SEMA3E: variants seen among roughly 807,000 people sequenced by gnomAD.
The protein encoded by SEMA3E is semaphorin-3E.
A neutral mutation model predicts 93.6 loss-of-function variants in SEMA3E; 49 were observed. That is an observed-to-expected ratio of 0.52 (90% CI 0.42 to 0.66). The LOEUF (loss-of-function observed/expected upper bound fraction) is 0.66, where lower values mean the gene tolerates loss of function less well. Among genes scored for constraint, SEMA3E ranks in the 30% least tolerant of loss-of-function variants. SEMA3E has a pLI of 0.00. For missense variants in SEMA3E, 906 were observed against 964.8 expected, an observed-to-expected ratio of 0.94 and a Z score of 0.81; for synonymous variants, 363 against 330.7, an observed-to-expected ratio of 1.10 and a Z score of -1.06.
intron 1 of SEMA3E, among the ~76,000 whole-genome samples, chr7:83,566,918 C>A (rs192692377): frequency 7.1e-4 from 108 of 152,112 alleles, no homozygotes; most frequent in Middle Eastern, 3.4e-3. Context: ...AAGAATAAAC[C>A]CTCACATATC....
chr7:83,537,740 T>C (rs1791435211), intron 1 of SEMA3E, among the ~76,000 whole-genome samples: 1 of 152,184 alleles, frequency 6.6e-6, no homozygotes, highest in Admixed American at 6.6e-5. Flanking sequence ...CACAATTAAA[T>C]AGTTTTCAGT....
In SEMA3E at chr7:83,368,207, CTCTG is replaced by C. The variant is rs142968591; in HGVS notation, c.1876-173_1876-170del. Among the ~76,000 whole-genome samples the C allele has an allele frequency of 0.6, 77,134 of 128,328 alleles. 23,278 individuals carry two copies. Among genetic ancestry groups the C allele is most frequent in the East Asian group, 0.8 (3,701 of 4,644 alleles). 84.2% of individuals were successfully genotyped at this position (128,328 alleles called of 152,430 possible). A position where few individuals can be genotyped will look rare whatever the true frequency, so the allele number is the denominator to read the frequency against. ...TAAATAATTACATCTCTCTCTCTCT[CTCTG>C]TGTGTGTGTGTGTGTGTGTGTGTGT... On this transcript the variant is annotated intron_variant, in intron 16 of 16. Coordinates refer to ENST00000643230, the MANE Select transcript of SEMA3E (RefSeq NM_012431.3).
intron 1 of SEMA3E, among the ~76,000 whole-genome samples, chr7:83,502,701 T>C (rs1790618833): frequency 6.6e-6 from 1 of 152,220 alleles, no homozygotes; most frequent in Non-Finnish European, 1.5e-5. Context: ...TACTAGGTTT[T>C]GTGTTTTTTA....
At chr7:83,455,243 G>C (rs1485790028) in intron 4 of SEMA3E, among the ~76,000 whole-genome samples, 1 of 152,200 alleles carries the variant, frequency 6.6e-6, no homozygotes, top group Non-Finnish European at 1.5e-5. Context: ...TATGGCAGCA[G>C]TCTATATTCA....
At chr7:83,523,142 A>G (rs1434464291) in intron 1 of SEMA3E, among the ~76,000 whole-genome samples, 1 of 152,082 alleles carries the variant, frequency 6.6e-6, no homozygotes, top group East Asian at 1.9e-4. Flanking sequence ...AGCATCAGAG[A>G]TTCATGTTCA....
At chr7:83,505,744 A>G (rs956415327) in intron 1 of SEMA3E, among the ~76,000 whole-genome samples, 5 of 152,078 alleles carry the variant, frequency 3.3e-5, no homozygotes, top group Admixed American at 1.3e-4. Context: ...GGCCGGGCAC[A>G]GTGGCTCATG....
At chr7:83,400,397 T>C in intron 10 of SEMA3E, 147 bp from the exon 11 acceptor site, 1 of 773,926 alleles carries the variant, frequency 1.3e-6, no homozygotes, top group Non-Finnish European at 2.1e-6. Context: ...ATATTTTTCT[T>C]TTTTTTTAAC....
intron 1 of SEMA3E, among the ~76,000 whole-genome samples, chr7:83,626,299 A>G (rs10252654): frequency 0.015 from 2,351 of 152,092 alleles, 58 homozygotes; most frequent in African/African-American, 0.054. Context: ...TCCTCTTTGT[A>G]CCTCTGTTTA....
intron 1 of SEMA3E, among the ~76,000 whole-genome samples, chr7:83,534,866 G>C (rs1018886487): frequency 6.6e-6 from 1 of 152,176 alleles, no homozygotes; most frequent in African/African-American, 2.4e-5. Context: ...GTGAAGTAAA[G>C]AGGTTGGAAA....
rs983141309 is a variant in SEMA3E at position 83,396,814 on chromosome 7, T to C, written c.1367-85A>G. 3.5e-5 allele frequency: 30 copies of C among 862,290 alleles called. No homozygotes were observed. The East Asian group carries it at 7.6e-4, about 22-fold the overall frequency. 53.4% of individuals were successfully genotyped at this position (862,290 alleles called of 1,614,324 possible). On this transcript the variant is annotated intron_variant, in intron 11 of 16. Transcript: ENST00000643230. ...AAACCATGTAGCTGGCTGGGTGCAG[T>C]AGCTCATGCCTGTAATCACTTTGGG...
chr7:83,502,096 G>T (rs545089892), intron 1 of SEMA3E, among the ~76,000 whole-genome samples: 1 of 152,068 alleles, frequency 6.6e-6, no homozygotes, highest in Non-Finnish European at 1.5e-5. Flanking sequence ...CTCAGTAAAT[G>T]GTTCTTTGGC....
chr7:83,616,009 T>A (rs377139447), intron 1 of SEMA3E, among the ~76,000 whole-genome samples: 3 of 150,514 alleles, frequency 2.0e-5, no homozygotes, highest in Admixed American at 6.6e-5. Flanking sequence ...AAAAAAAACA[T>A]TGGTAAATTG....
chr7:83,367,765 T>C lies in SEMA3E; in HGVS notation c.2149A>G (p.Ile717Val), dbSNP rs61729610. Residue 717 changes from isoleucine to valine, a missense_variant, in exon 17 of 17, where the codon ATC becomes GTC. Ile to Val is a conservative substitution (Grantham distance 29). Coordinates refer to ENST00000643230, the MANE Select transcript of SEMA3E (RefSeq NM_012431.3). ...ACTCTCTGGAAGTTGCTATAACCGATCAGCTGCAAGAATTCCTTGTACCAT... is the reference window on the plus strand; with the variant it reads ...ACTCTCTGGAAGTTGCTATAACCGACCAGCTGCAAGAATTCCTTGTACCAT... ...KPWYKEFLQLIGYSNFQRVEE... is the reference protein window; with the variant it reads ...KPWYKEFLQLVGYSNFQRVEE... The C allele has an allele frequency of 4.5e-3, 7,297 of 1,614,052 alleles. 311 individuals are homozygous for C. The African/African-American group carries it at 0.086, about 19-fold the overall frequency.
At chr7:83,532,979 G>A (rs552862193) in intron 1 of SEMA3E, among the ~76,000 whole-genome samples, 4 of 152,026 alleles carry the variant, frequency 2.6e-5, no homozygotes, top group Non-Finnish European at 5.9e-5. Context: ...AAGATAAAAT[G>A]ATTAATGTTT....
chr7:83,545,831 T>TA (rs1562827164), intron 1 of SEMA3E, among the ~76,000 whole-genome samples: 1 of 141,362 alleles, frequency 7.1e-6, no homozygotes. Flanking sequence ...ATATATATAA[T>TA]ATATATCTCC....
intron 11 of SEMA3E, among the ~76,000 whole-genome samples, chr7:83,398,861 T>G (rs1404466349): frequency 6.6e-6 from 1 of 152,114 alleles, no homozygotes; most frequent in Admixed American, 6.5e-5. Context: ...GGAGAATCGC[T>G]TGAGCCCGGG....
intron 4 of SEMA3E, among the ~76,000 whole-genome samples, chr7:83,465,328 A>C (rs1489583102): frequency 2.0e-5 from 3 of 152,144 alleles, no homozygotes; most frequent in Non-Finnish European, 2.9e-5. Context: ...TGAAATAAAC[A>C]GCCATGTTGC....
At chr7:83,437,235 AAATAAT>A (rs951538426) in intron 4 of SEMA3E, among the ~76,000 whole-genome samples, 8 of 152,226 alleles carry the variant, frequency 5.3e-5, no homozygotes, top group African/African-American at 1.7e-4. Flanking sequence ...GTCATCCAAA[AAATAAT>A]AATAATAATA....
At chr7:83,401,410 A>G (rs1052833486) in intron 10 of SEMA3E, among the ~76,000 whole-genome samples, 1 of 152,050 alleles carries the variant, frequency 6.6e-6, no homozygotes, top group African/African-American at 2.4e-5. Context: ...CTAATTTGGC[A>G]TGGATTTTTC....
Sources: gnomAD v4.1 joint callset for allele counts (sites outside exome capture counted in the v4.1 genomes callset) on GRCh38, gnomAD v4.1.1 for gene constraint, MANE v1.5 for transcripts, NCBI Gene and HGNC (gene_info 2026-07-23, HGNC 2026-07-21) for gene names.